The following ARID1B variants were observed in gnomAD, a reference collection of about 807,000 sequenced individuals.
ARID1B encodes the protein AT-rich interactive domain-containing protein 1B.
Under a neutral mutation model 212.3 loss-of-function variants are expected in ARID1B, and 30 were observed. The observed-to-expected ratio is 0.14, with a 90% CI of 0.11 to 0.19. The LOEUF (loss-of-function observed/expected upper bound fraction) is 0.19, where lower values mean the gene tolerates loss of function less well. Ranked by LOEUF, ARID1B falls within the 10% of genes least tolerant of loss-of-function variation. ARID1B has a pLI of 1.00. For missense variants in ARID1B, 2,891 were observed against 3,204.0 expected (o/e 0.90, Z 2.36); for synonymous variants, 1,402 against 1,301.7 (o/e 1.08, Z -1.66).
chr6:156,989,897 G>C (rs1338171784), intron 4 of ARID1B, among the ~76,000 whole-genome samples: 1 of 152,110 alleles, frequency 6.6e-6, no homozygotes, highest in Non-Finnish European at 1.5e-5. Context: ...AGGAAATAGT[G>C]ATCTCATATT....
intron 6 of ARID1B, among the ~76,000 whole-genome samples, chr6:157,127,344 C>T (rs1330934149): frequency 6.6e-6 from 1 of 152,114 alleles, no homozygotes; most frequent in African/African-American, 2.4e-5. Flanking sequence ...GTCCTGTACC[C>T]TTGTTTGAAT....
At chr6:156,805,152 C>A (rs1781068131) in intron 1 of ARID1B, among the ~76,000 whole-genome samples, 1 of 152,284 alleles carries the variant, frequency 6.6e-6, no homozygotes, top group African/African-American at 2.4e-5. Flanking sequence ...TCAGCTTACT[C>A]AGTAGGCCAA....
intron 4 of ARID1B, among the ~76,000 whole-genome samples, chr6:157,041,371 A>C (rs1379508319): frequency 6.6e-6 from 1 of 152,216 alleles, no homozygotes; most frequent in Admixed American, 6.5e-5. Flanking sequence ...TGGATTCTAC[A>C]TATAGTAGTA....
At chr6:156,785,647 A>G (rs1779582621) in intron 1 of ARID1B, among the ~76,000 whole-genome samples, 1 of 152,206 alleles carries the variant, frequency 6.6e-6, no homozygotes, top group Non-Finnish European at 1.5e-5. Flanking sequence ...TGTCACCATC[A>G]TCATCTATCC....
At chr6:157,001,335 G>A (rs62422647) in intron 4 of ARID1B, among the ~76,000 whole-genome samples, 44,123 of 152,036 alleles carry the variant, frequency 0.29, 6,591 homozygotes, top group Non-Finnish European at 0.32. Flanking sequence ...GTGTTAATTC[G>A]GAGCTCAGTC....
intron 7 of ARID1B, among the ~76,000 whole-genome samples, chr6:157,145,035 G>C (rs1462589710): frequency 2.6e-5 from 4 of 152,150 alleles, no homozygotes; most frequent in Non-Finnish European, 4.4e-5. Context: ...TCTGCGCTGT[G>C]CCTCTCCTGT....
chr6:156,925,296 A>C (rs187565385), intron 3 of ARID1B, among the ~76,000 whole-genome samples: 34 of 152,306 alleles, frequency 2.2e-4, no homozygotes, highest in African/African-American at 7.7e-4. Flanking sequence ...TAAGACTGAG[A>C]CTTATCAGTA....
At chr6:157,162,455 A>T (rs1791005750) in intron 8 of ARID1B, among the ~76,000 whole-genome samples, 1 of 152,232 alleles carries the variant, frequency 6.6e-6, no homozygotes, top group African/African-American at 2.4e-5. Flanking sequence ...AGAAATCTCC[A>T]AAGTGAATAA....
intron 1 of ARID1B, among the ~76,000 whole-genome samples, chr6:156,800,981 T>C (rs987365293): frequency 6.6e-6 from 1 of 152,230 alleles, no homozygotes; most frequent in Middle Eastern, 3.2e-3. Context: ...CAATCTGTTG[T>C]CAGTAGCTGT....
chr6:156,886,369 T>C (rs1283397147), intron 2 of ARID1B, among the ~76,000 whole-genome samples: 1 of 152,154 alleles, frequency 6.6e-6, no homozygotes, highest in Non-Finnish European at 1.5e-5. Context: ...ACAATTTTAG[T>C]TTTTAAAACT....
rs1045458833 is a variant in ARID1B at position 156,883,788 on chromosome 6, C to G, written c.1987-17588C>G. Among the ~76,000 whole-genome samples the G allele has an allele frequency of 2.6e-5, 4 of 152,174 alleles. No individual in the cohort carries two copies. In the South Asian group the frequency reaches 6.2e-4, roughly 24 times the overall value. On this transcript the variant is annotated intron_variant, in intron 2 of 19. Coordinates refer to ENST00000636930, the MANE Select transcript of ARID1B (RefSeq NM_001374828.1). ...TGCTGGAGGTAAGCTGTTACCTGTTCTGCTGGTGTTTGCCTTCCTCCTGTG... is the reference window on the plus strand; with the variant it reads ...TGCTGGAGGTAAGCTGTTACCTGTTGTGCTGGTGTTTGCCTTCCTCCTGTG...
chr6:156,858,508 G>A (rs929558174), intron 2 of ARID1B, among the ~76,000 whole-genome samples: 4 of 152,312 alleles, frequency 2.6e-5, no homozygotes, highest in African/African-American at 9.6e-5. Context: ...GCTCACACCT[G>A]TAATTCTAGC....
rs757953295 is a variant in ARID1B, at chr6:156,779,296, AGGCGGC to A, written c.1625_1630del (p.Ala542_Ala543del). 6.4e-6 allele frequency: 7 copies of A among 1,095,960 alleles called. No homozygotes were observed. In the South Asian group the frequency reaches 1.7e-4, roughly 27 times the overall value. 67.9% of individuals were successfully genotyped at this position (1,095,960 alleles called of 1,614,324 possible). On this transcript the variant is annotated inframe_deletion, in exon 1 of 20. Coordinates refer to ENST00000636930, the MANE Select transcript of ARID1B (RefSeq NM_001374828.1). Reference sequence around the variant, plus strand: ...CCGCCGCCGTCGCAGCCCCAGTCCCAGGCGGCGGCGGCGGGGGCGGCGGCGGGCGGC... The same window carrying A: ...CCGCCGCCGTCGCAGCCCCAGTCCCAGGCGGCGGGGGCGGCGGCGGGCGGC...
chr6:156,803,706 T>C (rs1481598223), intron 1 of ARID1B, among the ~76,000 whole-genome samples: 1 of 151,812 alleles, frequency 6.6e-6, no homozygotes, highest in East Asian at 1.9e-4. Context: ...ATTGAGTGGG[T>C]TAGTTGTAAG....
chr6:156,950,605 CG>C (rs35187846), intron 4 of ARID1B, among the ~76,000 whole-genome samples: 63,303 of 151,778 alleles, frequency 0.42, 15,741 homozygotes, highest in African/African-American at 0.7. Flanking sequence ...TGGTATTTTG[CG>C]GGGGGGTAAC....
At chr6:156,896,708 G>A (rs1478952835) in intron 2 of ARID1B, among the ~76,000 whole-genome samples, 2 of 151,016 alleles carry the variant, frequency 1.3e-5, no homozygotes, top group South Asian at 2.1e-4. Context: ...GTGAAACCCC[G>A]TCTCTACTGA....
In ARID1B at chr6:156,906,201, T is replaced by G. The variant is rs377513874; in HGVS notation, c.2136+4676T>G. The stretch of plus-strand genomic sequence containing the variant: ...CAAGAAGCTGGGGGTACTTTTGTGA[T>G]TAGGTATTTTAATTTTTATCTAGGA... On this transcript the variant is annotated intron_variant, in intron 3 of 19. Transcript: ENST00000636930. Among the ~76,000 whole-genome samples the G allele has an allele frequency of 3.2e-4, 48 of 152,074 alleles. 1 individual carries two copies. Among genetic ancestry groups the G allele is most frequent in the African/African-American group, 9.9e-4 (41 of 41,456 alleles).
intron 7 of ARID1B, chr6:157,140,489 CT>C: frequency 2.5e-6 from 1 of 395,812 alleles, no homozygotes; most frequent in East Asian, 3.6e-5. Flanking sequence ...AAAAAGAACA[CT>C]TTTTGCCTAT....
intron 13 of ARID1B, among the ~76,000 whole-genome samples, chr6:157,187,718 T>C (rs1414712540): frequency 1.3e-5 from 2 of 151,252 alleles, no homozygotes; most frequent in Non-Finnish European, 2.9e-5. Flanking sequence ...ATTAATGGAG[T>C]TACAAGAGGT....
Sources: allele counts gnomAD v4.1 joint callset (sites outside exome capture counted in the v4.1 genomes callset), GRCh38; gene constraint gnomAD v4.1.1; transcripts MANE v1.5; gene names NCBI Gene and HGNC (gene_info 2026-07-23, HGNC 2026-07-21).